The following C7orf33 variants were observed in gnomAD, a reference collection of about 807,000 sequenced individuals.
C7orf33 encodes the protein chromosome 7 open reading frame 33, also known as uncharacterized protein C7orf33.
In C7orf33, 15 loss-of-function variants were observed where a neutral mutation model predicts 13.4. That is an observed-to-expected ratio of 1.12 (90% CI 0.75 to 1.72). The LOEUF (loss-of-function observed/expected upper bound fraction) is 1.72. C7orf33 is among the 40% of genes most tolerant of loss of function. The pLI is 0.00. For synonymous variants in C7orf33, 73 were observed against 83.2 expected (o/e 0.88, Z 0.67); for missense variants, 187 against 220.3 (o/e 0.85, Z 0.96).
intron 1 of C7orf33, among the ~76,000 whole-genome samples, chr7:148,609,481 T>A (rs553733593): frequency 1.3e-5 from 2 of 152,310 alleles, no homozygotes; most frequent in South Asian, 4.1e-4. Flanking sequence ...AAAGCAGACT[T>A]TAGGTTACCC....
At chr7:148,601,414 C>T (rs1293297335) in intron 1 of C7orf33, among the ~76,000 whole-genome samples, 2 of 151,814 alleles carry the variant, frequency 1.3e-5, no homozygotes, top group Admixed American at 6.5e-5. Flanking sequence ...GGCACAATCT[C>T]GGCTCACCGC....
chr7:148,606,835 C>A (rs1353105509), intron 1 of C7orf33, among the ~76,000 whole-genome samples: 1 of 151,932 alleles, frequency 6.6e-6, no homozygotes, highest in African/African-American at 2.4e-5. Flanking sequence ...GATCCACCCA[C>A]GTTGGCCTCC....
chr7:148,613,600 G>A (rs1486998326), intron 1 of C7orf33, among the ~76,000 whole-genome samples: 3 of 152,222 alleles, frequency 2.0e-5, no homozygotes, highest in African/African-American at 7.2e-5. Flanking sequence ...TATGTGAAAT[G>A]TCCAGATTGG....
intron 1 of C7orf33, among the ~76,000 whole-genome samples, chr7:148,606,931 A>ATACACACACAC (rs1554449216): frequency 1.2e-3 from 24 of 20,192 alleles, no homozygotes; most frequent in East Asian, 3.8e-3. Flanking sequence ...TTAAAAAAAA[A>ATACACACACAC]ATACACACAC....
chr7:148,607,581 T>C (rs75680028), intron 1 of C7orf33, among the ~76,000 whole-genome samples: 7,940 of 152,178 alleles, frequency 0.052, 707 homozygotes, highest in African/African-American at 0.18. Context: ...AAAGAACAGA[T>C]CCTTCCTGCT....
intron 1 of C7orf33, among the ~76,000 whole-genome samples, chr7:148,604,314 A>G (rs1416604730): frequency 6.6e-6 from 1 of 152,092 alleles, no homozygotes; most frequent in Non-Finnish European, 1.5e-5. Flanking sequence ...TTCAGTAGAG[A>G]GAGAGTTTCA....
chr7:148,597,750 T>C (rs1411250618), intron 1 of C7orf33, among the ~76,000 whole-genome samples: 2 of 151,904 alleles, frequency 1.3e-5, no homozygotes, highest in African/African-American at 4.8e-5. Flanking sequence ...TTTTGTTTTG[T>C]TTTGTTTTGT....
chr7:148,591,186 G>C, intron 1 of C7orf33, 57 bp downstream of exon 1: 2 of 1,386,050 alleles, frequency 1.4e-6, no homozygotes, highest in Middle Eastern at 3.6e-4. Flanking sequence ...AGTATCTCTT[G>C]AGAATTCATT....
chr7:148,610,029 C>G (rs7806010), intron 1 of C7orf33, among the ~76,000 whole-genome samples: 81,947 of 152,020 alleles, frequency 0.54, 22,232 homozygotes, highest in East Asian at 0.57. Context: ...GTAACATCAG[C>G]AAACTGTGCA....
rs1306645552 is a variant in C7orf33, at chr7:148,615,763, A to G, written c.*362A>G. Reference sequence around the variant, plus strand: ...TGTGCTCCCGATGATGAGACTCTAGAGTTTACAACTGAAACACACTGTCAT... The same window carrying G: ...TGTGCTCCCGATGATGAGACTCTAGGGTTTACAACTGAAACACACTGTCAT... On this transcript the variant is annotated 3_prime_UTR_variant, in exon 3 of 3. Coordinates refer to ENST00000307003, the MANE Select transcript of C7orf33 (RefSeq NM_145304.4). 3.1e-5 allele frequency: 6 copies of G among 192,976 alleles called. No individual in the cohort carries two copies. In the East Asian group the frequency reaches 7.2e-4, roughly 23 times the overall value. 12.0% of individuals were successfully genotyped at this position (192,976 alleles called of 1,614,324 possible).
intron 1 of C7orf33, among the ~76,000 whole-genome samples, chr7:148,609,855 G>A (rs1425096072): frequency 6.6e-6 from 1 of 152,166 alleles, no homozygotes; most frequent in Non-Finnish European, 1.5e-5. Context: ...ATGCTGAGTG[G>A]GCTACCAACA....
In C7orf33 at chr7:148,615,700, G is replaced by A. The variant is rs996743553; in HGVS notation, c.*299G>A. 6.5e-6 allele frequency: 2 copies of A among 307,004 alleles called. No individual in the cohort carries two copies. Among genetic ancestry groups the A allele is most frequent in the Non-Finnish European group, 1.3e-5 (2 of 158,608 alleles). 19.0% of individuals were successfully genotyped at this position (307,004 alleles called of 1,614,324 possible). ...TAAAGGGAGACGAAGATCCCCAGAGGACCTGGATAGAGATGTTTCCCTGAC... is the reference window on the plus strand; with the variant it reads ...TAAAGGGAGACGAAGATCCCCAGAGAACCTGGATAGAGATGTTTCCCTGAC... On this transcript the variant is annotated 3_prime_UTR_variant, in exon 3 of 3. Coordinates refer to ENST00000307003, the MANE Select transcript of C7orf33 (RefSeq NM_145304.4).
At chr7:148,595,630 C>A (rs13236337) in intron 1 of C7orf33, among the ~76,000 whole-genome samples, 7 of 89,020 alleles carry the variant, frequency 7.9e-5, no homozygotes, top group Admixed American at 1.3e-4. Flanking sequence ...ATATAATATA[C>A]ATCTATATTA....
Position 148,614,311 on chromosome 7 carries a change from G to A in C7orf33, c.459+15G>A, listed in dbSNP as rs1051976161. On this transcript the variant is annotated intron_variant, in intron 2 of 2. Coordinates refer to ENST00000307003, the MANE Select transcript of C7orf33 (RefSeq NM_145304.4). ...CATACCTAAACGTAAGCTCCGAAGT[G>A]TCTTAGCACCTCCAAGTTTAAGGAA... 4 of 1,603,124 alleles carry A rather than the reference G, an allele frequency of 2.5e-6. No individual in the cohort carries two copies. The Admixed American group carries it at 5.1e-5, about 20-fold the overall frequency.
At chr7:148,596,469 G>A (rs1319969249) in intron 1 of C7orf33, among the ~76,000 whole-genome samples, 1 of 152,198 alleles carries the variant, frequency 6.6e-6, no homozygotes, top group Non-Finnish European at 1.5e-5. Context: ...TGGACTTACA[G>A]TTCCACATGG....
intron 1 of C7orf33, among the ~76,000 whole-genome samples, chr7:148,593,268 G>T (rs1796289274): frequency 6.6e-6 from 1 of 151,444 alleles, no homozygotes; most frequent in East Asian, 2.0e-4. Context: ...CTTTATTTTT[G>T]TTATTCATTT....
chr7:148,590,894 A>G lies in C7orf33; in HGVS notation c.-32A>G. On this transcript the variant is annotated 5_prime_UTR_variant, in exon 1 of 3. Transcript: ENST00000307003. ...GTGGTGAAGCGCCGCTCTCCTTGAC[A>G]GCATCCAGGAAAGGTAATTACCTTT... is the stretch of plus-strand genomic sequence containing the variant. The G allele has an allele frequency of 6.3e-7, 1 of 1,586,698 alleles. No homozygotes were observed. The highest frequency in any genetic ancestry group is 8.7e-7 in the Non-Finnish European group (1 of 1,155,160).
intron 1 of C7orf33, among the ~76,000 whole-genome samples, chr7:148,606,358 T>C (rs1027768206): frequency 6.6e-6 from 1 of 152,208 alleles, no homozygotes; most frequent in South Asian, 2.1e-4. Context: ...AAATCTGGGA[T>C]ACTGTCAAAA....
chr7:148,600,863 C>T (rs1259864600), intron 1 of C7orf33, among the ~76,000 whole-genome samples: 1 of 134,212 alleles, frequency 7.5e-6, no homozygotes, highest in Non-Finnish European at 1.5e-5. Flanking sequence ...AGAGCAGTGG[C>T]GTGATCTCGG....
Sources: gnomAD v4.1 joint callset for allele counts (sites outside exome capture counted in the v4.1 genomes callset) on GRCh38, gnomAD v4.1.1 for gene constraint, MANE v1.5 for transcripts, NCBI Gene and HGNC (gene_info 2026-07-23, HGNC 2026-07-21) for gene names.